The following ANKS1B variants were observed in gnomAD, a reference collection of about 807,000 sequenced individuals.
ANKS1B encodes ankyrin repeat and sterile alpha motif domain containing 1B.
Under a neutral mutation model 148.3 loss-of-function variants are expected in ANKS1B, and 36 were observed. The ratio of observed to expected loss-of-function variants is 0.24; its 90% CI spans 0.19 to 0.32. The LOEUF is 0.32. ANKS1B is among the 10% of genes least tolerant of loss of function. The pLI is 1.00. For missense variants in ANKS1B, 1,157 were observed against 1,542.6 expected, an observed-to-expected ratio of 0.75 and a Z score of 4.19; for synonymous variants, 542 against 560.8, an observed-to-expected ratio of 0.97 and a Z score of 0.47.
At chr12:99,682,750 C>G (rs1189034510) in intron 8 of ANKS1B, among the ~76,000 whole-genome samples, 2 of 151,812 alleles carry the variant, frequency 1.3e-5, no homozygotes, top group Non-Finnish European at 2.9e-5. Flanking sequence ...AAGAAATAAC[C>G]AAGATCAGAG....
chr12:99,771,686 C>T (rs2063210134), intron 8 of ANKS1B, among the ~76,000 whole-genome samples: 1 of 151,918 alleles, frequency 6.6e-6, no homozygotes, highest in South Asian at 2.1e-4. Context: ...TACTTCAGTA[C>T]ATATACAACT....
chr12:99,312,064 G>A (rs780326553), intron 12 of ANKS1B, among the ~76,000 whole-genome samples: 1 of 152,102 alleles, frequency 6.6e-6, no homozygotes, highest in African/African-American at 2.4e-5. Flanking sequence ...CAATAGCATC[G>A]AAATAAATCT....
intron 17 of ANKS1B, among the ~76,000 whole-genome samples, chr12:98,917,930 A>G (rs1014940901): frequency 1.3e-5 from 2 of 152,258 alleles, no homozygotes; most frequent in Non-Finnish European, 2.9e-5. Flanking sequence ...AGGTACCATA[A>G]TAAGTGTTGG....
intron 1 of ANKS1B, among the ~76,000 whole-genome samples, chr12:99,831,070 G>C (rs755444402): frequency 1.3e-5 from 2 of 151,946 alleles, no homozygotes; most frequent in Non-Finnish European, 2.9e-5. Context: ...TATGCTTACT[G>C]TCTGTCTCCC....
chr12:99,032,967 G>A (rs568043499), intron 17 of ANKS1B, among the ~76,000 whole-genome samples: 2 of 152,322 alleles, frequency 1.3e-5, no homozygotes, highest in South Asian at 2.1e-4. Flanking sequence ...ATATTAAAGA[G>A]TATTTACTAG....
At chr12:99,255,259 T>C (rs2153977168) in intron 12 of ANKS1B, among the ~76,000 whole-genome samples, 2 of 152,268 alleles carry the variant, frequency 1.3e-5, no homozygotes, top group East Asian at 3.9e-4. Context: ...TTTCTCAGTA[T>C]TAAAATTCAC....
chr12:98,861,096 T>C (rs780884141), intron 17 of ANKS1B, among the ~76,000 whole-genome samples: 4 of 152,140 alleles, frequency 2.6e-5, no homozygotes, highest in Non-Finnish European at 5.9e-5. Flanking sequence ...CAGAGTTAGG[T>C]AGGCGGGAAG....
chr12:99,059,049 C>T (rs949248453), intron 16 of ANKS1B, among the ~76,000 whole-genome samples: 2 of 152,176 alleles, frequency 1.3e-5, no homozygotes, highest in Middle Eastern at 3.4e-3. Flanking sequence ...TTCTATCTAT[C>T]CTTAAAAGGT....
chr12:99,189,009 T>C (rs2153877268), intron 14 of ANKS1B, among the ~76,000 whole-genome samples: 1 of 152,190 alleles, frequency 6.6e-6, no homozygotes, highest in Non-Finnish European at 1.5e-5. Context: ...ATAAAGGAGA[T>C]ATCACCACTG....
At chr12:99,965,993 A>C (rs1259426535) in intron 1 of ANKS1B, among the ~76,000 whole-genome samples, 1 of 152,216 alleles carries the variant, frequency 6.6e-6, no homozygotes, top group Non-Finnish European at 1.5e-5. Context: ...ACCCAAAGTG[A>C]GGGACATCTT....
chr12:99,315,484 A>AT (rs2083903272), intron 12 of ANKS1B, among the ~76,000 whole-genome samples: 2 of 152,308 alleles, frequency 1.3e-5, no homozygotes, highest in South Asian at 4.1e-4. Context: ...ACTGATCATT[A>AT]GAGAAATGCA....
intron 1 of ANKS1B, among the ~76,000 whole-genome samples, chr12:99,906,655 TC>T (rs2093792453): frequency 1.3e-5 from 2 of 152,206 alleles, no homozygotes; most frequent in African/African-American, 4.8e-5. Context: ...ATTAATAATA[TC>T]CGTATAATTA....
At chr12:99,812,426 G>A in intron 2 of ANKS1B, 115 bp from the exon 3 acceptor site, 1 of 1,100,034 alleles carries the variant, frequency 9.1e-7, no homozygotes, top group Non-Finnish European at 1.2e-6. Context: ...ATCATTCAAG[G>A]TACTAAGATA....
At chr12:99,872,682 C>T (rs1265709284) in intron 1 of ANKS1B, among the ~76,000 whole-genome samples, 1 of 151,866 alleles carries the variant, frequency 6.6e-6, no homozygotes, top group South Asian at 2.1e-4. Flanking sequence ...TTTTGTGTAC[C>T]CTTTTGTATT....
At chr12:99,481,274 T>C (rs2096406207) in intron 10 of ANKS1B, among the ~76,000 whole-genome samples, 2 of 151,834 alleles carry the variant, frequency 1.3e-5, no homozygotes, top group South Asian at 4.1e-4. Context: ...TGAGAACATA[T>C]GGTTTTTGGT....
At chr12:99,627,651 G>A (rs1377540971) in intron 9 of ANKS1B, among the ~76,000 whole-genome samples, 50 of 152,108 alleles carry the variant, frequency 3.3e-4, no homozygotes, top group Admixed American at 2.6e-4. Flanking sequence ...TAGCCTGAGG[G>A]CCTGCGGCAT....
At chr12:98,772,358 C>T (rs527509295) in intron 25 of ANKS1B, among the ~76,000 whole-genome samples, 21 of 152,162 alleles carry the variant, frequency 1.4e-4, no homozygotes, top group South Asian at 6.2e-4. Flanking sequence ...AGAGGAAAGG[C>T]GATGTGAGGA....
chr12:99,613,323 T>C (rs1233015769), intron 9 of ANKS1B, among the ~76,000 whole-genome samples: 3 of 152,092 alleles, frequency 2.0e-5, no homozygotes, highest in African/African-American at 7.2e-5. Context: ...AAGTCAGAAA[T>C]ATCATTCAAC....
chr12:99,038,689 G>A (rs2099957036), intron 17 of ANKS1B, among the ~76,000 whole-genome samples: 1 of 152,204 alleles, frequency 6.6e-6, no homozygotes, highest in Non-Finnish European at 1.5e-5. Flanking sequence ...CCTGGCTCAT[G>A]CTACTACAGC....
Sources: allele counts gnomAD v4.1 joint callset (sites outside exome capture counted in the v4.1 genomes callset), GRCh38; gene constraint gnomAD v4.1.1; transcripts MANE v1.5; gene names NCBI Gene and HGNC (gene_info 2026-07-23, HGNC 2026-07-21).